Variants in IL18RAP observed in about 807,000 individuals in gnomAD.
IL18RAP encodes the protein interleukin-18 receptor accessory protein.
A neutral mutation model predicts 58.1 loss-of-function variants in IL18RAP; 37 were observed. That is an observed-to-expected ratio of 0.64 (90% CI 0.49 to 0.84). The LOEUF is 0.84. IL18RAP is among the 40% of genes least tolerant of loss of function. The probability of loss-of-function intolerance (pLI) is 0.00; values close to 1 mark genes in which losing one functional copy is unlikely to be tolerated. For missense variants in IL18RAP, 667 were observed against 704.8 expected, an observed-to-expected ratio of 0.95 and a Z score of 0.61; for synonymous variants, 268 against 257.5, an observed-to-expected ratio of 1.04 and a Z score of -0.39.
At chr2:102,443,151 G>A in intron 5 of IL18RAP, 49 bp from the exon 6 acceptor site, 3 of 1,571,882 alleles carry the variant, frequency 1.9e-6, no homozygotes, top group Non-Finnish European at 2.6e-6. Flanking sequence ...GTAGGACAAA[G>A]TATTCTCACC....
At chr2:102,437,771 C>T (rs1190821161) in intron 4 of IL18RAP, among the ~76,000 whole-genome samples, 1 of 152,000 alleles carries the variant, frequency 6.6e-6, no homozygotes, top group African/African-American at 2.4e-5. Context: ...GTCTATGACC[C>T]CATTCTCTTC....
intron 3 of IL18RAP, among the ~76,000 whole-genome samples, chr2:102,431,135 G>C (rs1263298361): frequency 1.3e-5 from 2 of 152,090 alleles, no homozygotes; most frequent in Non-Finnish European, 2.9e-5. Flanking sequence ...AACTCCCTTA[G>C]CTTTTGTTTG....
intron 3 of IL18RAP, among the ~76,000 whole-genome samples, chr2:102,428,998 A>T (rs948968350): frequency 6.6e-6 from 1 of 152,020 alleles, no homozygotes; most frequent in Non-Finnish European, 1.5e-5. Context: ...GTAGTCTATC[A>T]TATTTATTGA....
In IL18RAP at chr2:102,424,233, G is replaced by A; in HGVS notation, c.398G>A (p.Ser133Asn). 1.2e-6 allele frequency: 2 copies of A among 1,613,574 alleles called. No individual in the cohort carries two copies. Among genetic ancestry groups the A allele is most frequent in the South Asian group, 1.1e-5 (1 of 91,004 alleles). The change falls in exon 3 of 10, where the codon AGC (serine) becomes AAC (asparagine). Residue 133 changes from serine to asparagine, a missense_variant and splice_region_variant. By Grantham distance (46) the Ser-to-Asn change is conservative. Transcript: ENST00000687160. Reference protein sequence around the residue: ...SYICRPKMIKSPYDVACCVKM... With the variant: ...SYICRPKMIKNPYDVACCVKM... Reference sequence around the variant, plus strand: ...ACAGGATCTTGTTAATTTCCTAGGAGCCCCTATGATGTAGCCTGTTGTGTC... The same window carrying A: ...ACAGGATCTTGTTAATTTCCTAGGAACCCCTATGATGTAGCCTGTTGTGTC...
At chr2:102,435,354 A>T (rs1280036895) in intron 3 of IL18RAP, 1 of 152,252 alleles carries the variant, frequency 6.6e-6, no homozygotes, top group Non-Finnish European at 1.5e-5. Context: ...TTTTCATGTA[A>T]TAAAATGAAA....
At chr2:102,418,860 G>C (rs1681403589), upstream of IL18RAP, 1 of 152,292 alleles carries the variant, frequency 6.6e-6, no homozygotes, top group African/African-American at 2.4e-5. Context: ...TTTTCGTTCA[G>C]ATACAAAAGC....
At chr2:102,427,430 T>C (rs777905673) in intron 3 of IL18RAP, among the ~76,000 whole-genome samples, 3 of 152,146 alleles carry the variant, frequency 2.0e-5, no homozygotes, top group Non-Finnish European at 4.4e-5. Context: ...TGAGGTGATA[T>C]GTCATTGTGG....
rs148553198 is a variant in IL18RAP at position 102,443,229 on chromosome 2, C to A, written c.826C>A (p.Arg276=). The A allele has an allele frequency of 6.2e-7, 1 of 1,613,274 alleles. No homozygotes were observed. Among genetic ancestry groups the A allele is most frequent in the Non-Finnish European group, 8.5e-7 (1 of 1,179,672 alleles). The change falls in exon 6 of 10, where the codon CGA becomes AGA. Residue 276 remains arginine (R), a synonymous_variant. Transcript: ENST00000687160. ...GCCTTTAACTATTAGCTGCAAAGCA[C>A]GATTTGGCTTTGAAAGGGTCTTTAA... is the stretch of plus-strand genomic sequence containing the variant. ...GKPLTISCKA[R]FGFERVFNPV...
At position 102,423,207 on chromosome 2, in the gene IL18RAP, TG is replaced by T; in HGVS notation, c.-70del. 7.1e-7 allele frequency: 1 copy of T among 1,414,322 alleles called. No individual in the cohort carries two copies. Among genetic ancestry groups the T allele is most frequent in the African/African-American group, 1.4e-5 (1 of 70,676 alleles). The allele number at this position is 1,414,322 out of a possible 1,614,324, so 87.6% of individuals were successfully genotyped here. Reference sequence around the variant, plus strand: ...GAAGGGGATACTCAGGGCAGAGTTCTGAATCTCAAAACACTCTACTCTGGCA... The same window carrying T: ...GAAGGGGATACTCAGGGCAGAGTTCTAATCTCAAAACACTCTACTCTGGCA... On this transcript the variant is annotated 5_prime_UTR_variant, in exon 1 of 10. An upstream open reading frame in the 5' UTR loses its in-frame stop. Transcript: ENST00000687160.
At chr2:102,438,080 C>A (rs1682866568) in intron 4 of IL18RAP, among the ~76,000 whole-genome samples, 1 of 152,160 alleles carries the variant, frequency 6.6e-6, no homozygotes. Flanking sequence ...CCATAGTATA[C>A]TTCCCTGACT....
At chr2:102,447,880 G>A (rs11465726) in intron 8 of IL18RAP, among the ~76,000 whole-genome samples, 1,844 of 152,104 alleles carry the variant, frequency 0.012, 41 homozygotes, top group Non-Finnish European at 0.013. Flanking sequence ...ACAGGCATGC[G>A]CTACCATGTC....
intron 8 of IL18RAP, among the ~76,000 whole-genome samples, chr2:102,448,052 G>T (rs11465729): frequency 0.47 from 71,788 of 151,374 alleles, 17,359 homozygotes; most frequent in African/African-American, 0.55. Context: ...TATTTAGAAT[G>T]GTGCCCAGTA....
chr2:102,447,721 TG>T (rs1683515615), intron 8 of IL18RAP, among the ~76,000 whole-genome samples: 1 of 146,714 alleles, frequency 6.8e-6, no homozygotes, highest in Non-Finnish European at 1.5e-5. Flanking sequence ...TATGTATGTA[TG>T]TATGTATTTA....
intron 8 of IL18RAP, 59 bp from the exon 9 acceptor site, chr2:102,450,789 C>A: frequency 9.1e-7 from 1 of 1,101,616 alleles, no homozygotes; most frequent in Non-Finnish European, 1.3e-6. Context: ...GTATGTGTAC[C>A]ATAACAGTAA....
chr2:102,452,084 C>A lies in IL18RAP; in HGVS notation c.1703C>A (p.Thr568Lys). ...CCTGTGAAAAACTCTCAGGGATTCA[C>A]GTGGAACCAGCTCAGAATTACCTCT... ...HMPVKNSQGF[T>K]WNQLRITSRI... Residue 568 changes from threonine (T) to lysine (K), a missense_variant, in exon 10 of 10, where the codon ACG becomes AAG. By Grantham distance (78) the Thr-to-Lys change is moderately conservative. Coordinates refer to ENST00000687160, the MANE Select transcript of IL18RAP (RefSeq NM_001393487.1). 6.2e-7 allele frequency: 1 copy of A among 1,614,064 alleles called. No homozygotes were observed. The highest frequency in any genetic ancestry group is 8.5e-7 in the Non-Finnish European group (1 of 1,180,020).
At chr2:102,426,689 A>G (rs1681966024) in intron 3 of IL18RAP, among the ~76,000 whole-genome samples, 1 of 152,166 alleles carries the variant, frequency 6.6e-6, no homozygotes. Context: ...TGATATATGT[A>G]TACAATGTGG....
rs1683791035 is a variant in IL18RAP, at chr2:102,451,889, A to G, written c.1508A>G (p.Asp503Gly). ...CAAGCAGCAGTGAATCTTGCCTTGG[A>G]TGATCAAACACTGAAACTCATTTTA... Reference protein sequence around the residue: ...ELQAAVNLALDDQTLKLILIK... With the variant: ...ELQAAVNLALGDQTLKLILIK... Residue 503 changes from aspartate to glycine, a missense_variant, in exon 10 of 10, where the codon GAT becomes GGT. Coordinates refer to ENST00000687160, the MANE Select transcript of IL18RAP (RefSeq NM_001393487.1). 2 of 1,614,080 alleles carry G rather than the reference A, an allele frequency of 1.2e-6. No homozygotes were observed. The highest frequency in any genetic ancestry group is 1.7e-6 in the Non-Finnish European group (2 of 1,180,030).
chr2:102,428,089 T>C (rs1682081131), intron 3 of IL18RAP, among the ~76,000 whole-genome samples: 1 of 151,974 alleles, frequency 6.6e-6, no homozygotes, highest in South Asian at 2.1e-4. Flanking sequence ...ACCATGCTGT[T>C]TTGATTTAAA....
In IL18RAP at chr2:102,441,819, C is replaced by T. The variant is rs187509481; in HGVS notation, c.796+442C>T. On this transcript the variant is annotated intron_variant, in intron 5 of 9. Transcript: ENST00000687160. ...AGGAGAATCACCTGAACCTGGGAGG[C>T]GGAGGTTACAGTGAGCCGAGATCGA... 2.2e-4 allele frequency among the ~76,000 whole-genome samples: 34 copies of T among 151,724 alleles called. 1 individual carries two copies. Among genetic ancestry groups the T allele is most frequent in the Admixed American group, 1.7e-3 (26 of 15,222 alleles).
Sources: allele counts gnomAD v4.1 joint callset (sites outside exome capture counted in the v4.1 genomes callset), GRCh38; gene constraint gnomAD v4.1.1; transcripts MANE v1.5; gene names NCBI Gene and HGNC (gene_info 2026-07-23, HGNC 2026-07-21).